Variants in CNTNAP2 observed in about 807,000 individuals in gnomAD.
The protein encoded by CNTNAP2 is contactin-associated protein-like 2.
A neutral mutation model predicts 155.2 loss-of-function variants in CNTNAP2; 98 were observed. The ratio of observed to expected loss-of-function variants is 0.63; its 90% CI spans 0.54 to 0.75. CNTNAP2 has a LOEUF of 0.75. Ranked by LOEUF, CNTNAP2 falls within the 30% of genes least tolerant of loss-of-function variation. The pLI, the probability that CNTNAP2 is intolerant of heterozygous loss-of-function variation, is 0.00. For synonymous variants in CNTNAP2, 651 were observed against 631.2 expected, an observed-to-expected ratio of 1.03 and a Z score of -0.47; for missense variants, 1,727 against 1,688.1, an observed-to-expected ratio of 1.02 and a Z score of -0.40.
chr7:147,176,214 A>G (rs1802335240), intron 8 of CNTNAP2, among the ~76,000 whole-genome samples: 1 of 152,242 alleles, frequency 6.6e-6, no homozygotes, highest in Non-Finnish European at 1.5e-5. Context: ...ACATAATTGA[A>G]TAGGAATTGA....
intron 13 of CNTNAP2, among the ~76,000 whole-genome samples, chr7:147,788,900 C>CTTTTT (rs11440955): frequency 1.5e-3 from 156 of 100,734 alleles, no homozygotes; most frequent in Non-Finnish European, 2.1e-3. Flanking sequence ...TTTTCTTTTT[C>CTTTTT]TTTTTTTTTT....
At chr7:147,057,036 G>A (rs1489955641) in intron 4 of CNTNAP2, among the ~76,000 whole-genome samples, 1 of 151,906 alleles carries the variant, frequency 6.6e-6, no homozygotes, top group Non-Finnish European at 1.5e-5. Flanking sequence ...CTGGGCTTAA[G>A]CAATCCTTCT....
chr7:147,415,865 T>A (rs947453574), intron 10 of CNTNAP2, among the ~76,000 whole-genome samples: 1 of 152,160 alleles, frequency 6.6e-6, no homozygotes, highest in Non-Finnish European at 1.5e-5. Context: ...CAGGCCAAGG[T>A]GCATGGTCAC....
chr7:147,531,822 T>TC lies in CNTNAP2; in HGVS notation c.1778-30314dup, dbSNP rs1554402412. On this transcript the variant is annotated intron_variant, in intron 11 of 23. Transcript: ENST00000361727. ...TTTTCTTTTCTTTTTTTTTTTTTTT[T>TC]CCGAGACAAAGTCTCACTCTGTCAC... Among the ~76,000 whole-genome samples, 82 of 143,482 alleles carry TC rather than the reference T, an allele frequency of 5.7e-4. 3 individuals are homozygous for TC. Among genetic ancestry groups the TC allele is most frequent in the Middle Eastern group, 3.7e-3 (1 of 270 alleles). 94.1% of individuals were successfully genotyped at this position (143,482 alleles called of 152,430 possible).
chr7:148,390,664 T>C (rs62505153), intron 22 of CNTNAP2, among the ~76,000 whole-genome samples: 2 of 152,202 alleles, frequency 1.3e-5, no homozygotes, highest in Non-Finnish European at 2.9e-5. Context: ...TGGTGATCTT[T>C]CTGCTCCCAT....
At chr7:147,786,286 G>A (rs1444960332) in intron 13 of CNTNAP2, among the ~76,000 whole-genome samples, 2 of 152,288 alleles carry the variant, frequency 1.3e-5, no homozygotes, top group Non-Finnish European at 2.9e-5. Context: ...TACAAAATTA[G>A]AAATCATATT....
chr7:148,308,619 G>A lies in CNTNAP2; in HGVS notation c.3475+41493G>A, dbSNP rs141447093. The stretch of plus-strand genomic sequence containing the variant: ...ACTTTAAGTTCTGGGGTACATGTAC[G>A]GAACGTGCAGTTTTGTTACATAGGT... On this transcript the variant is annotated intron_variant, in intron 21 of 23. Coordinates refer to ENST00000361727, the MANE Select transcript of CNTNAP2 (RefSeq NM_014141.6). 3.3e-3 allele frequency among the ~76,000 whole-genome samples: 498 copies of A among 151,010 alleles called. 6 individuals are homozygous for A. Among genetic ancestry groups the A allele is most frequent in the African/African-American group, 0.011 (444 of 41,096 alleles).
At position 146,139,230 on chromosome 7, in the gene CNTNAP2, G is replaced by A. The variant is rs76329849; in HGVS notation, c.97+22257G>A. Among the ~76,000 whole-genome samples, 1,388 of 152,164 alleles carry A rather than the reference G, an allele frequency of 9.1e-3. 7 individuals are homozygous for A. Among genetic ancestry groups the A allele is most frequent in the Middle Eastern group, 0.044 (13 of 294 alleles). ...AGAAAGAGATCAAAATTCAAAATTT[G>A]GAGTACAGTTTCTACCGAATGAGTA... is the stretch of plus-strand genomic sequence containing the variant. On this transcript the variant is annotated intron_variant, in intron 1 of 23. Transcript: ENST00000361727.
chr7:147,222,902 G>A (rs1803438264), intron 8 of CNTNAP2, among the ~76,000 whole-genome samples: 1 of 146,424 alleles, frequency 6.8e-6, no homozygotes, highest in African/African-American at 2.5e-5. Flanking sequence ...TTCCAGGAAA[G>A]TTGGGTTATG....
intron 14 of CNTNAP2, among the ~76,000 whole-genome samples, chr7:147,919,998 T>C (rs1486388072): frequency 6.6e-6 from 1 of 152,132 alleles, no homozygotes; most frequent in African/African-American, 2.4e-5. Context: ...CGTAAAGCTT[T>C]ATTTTTTCCT....
At chr7:147,903,489 G>A in intron 13 of CNTNAP2, 76 bp from the exon 14 acceptor site, 1 of 1,469,044 alleles carries the variant, frequency 6.8e-7, no homozygotes, top group Non-Finnish European at 9.5e-7. Flanking sequence ...TATTCCTGGG[G>A]AAGTGGGTGT....
At chr7:147,604,174 A>G (rs1385007736) in intron 12 of CNTNAP2, among the ~76,000 whole-genome samples, 2 of 151,888 alleles carry the variant, frequency 1.3e-5, no homozygotes, top group Admixed American at 6.6e-5. Context: ...CAAGGACTTC[A>G]TGTCTAAAAC....
intron 15 of CNTNAP2, among the ~76,000 whole-genome samples, chr7:148,031,905 G>T (rs1043035776): frequency 2.6e-5 from 4 of 152,076 alleles, no homozygotes; most frequent in African/African-American, 9.7e-5. Flanking sequence ...ATTCCCTAAG[G>T]CTATGTCACT....
chr7:146,425,078 A>G (rs1796069327), intron 1 of CNTNAP2, among the ~76,000 whole-genome samples: 1 of 152,228 alleles, frequency 6.6e-6, no homozygotes, highest in Non-Finnish European at 1.5e-5. Flanking sequence ...ATCCGTAAAC[A>G]CAACACTAGA....
chr7:147,884,494 G>GGA (rs1554445249), intron 13 of CNTNAP2, among the ~76,000 whole-genome samples: 2 of 145,866 alleles, frequency 1.4e-5, no homozygotes, highest in African/African-American at 5.0e-5. Context: ...TGCCTCGCCA[G>GGA]AAAAAAAAAA....
At chr7:146,897,795 T>C (rs1795908071) in intron 3 of CNTNAP2, among the ~76,000 whole-genome samples, 1 of 152,136 alleles carries the variant, frequency 6.6e-6, no homozygotes, top group Non-Finnish European at 1.5e-5. Flanking sequence ...GCCTCATTTT[T>C]TCAAGACTAT....
At chr7:146,960,933 T>C (rs1057133802) in intron 3 of CNTNAP2, among the ~76,000 whole-genome samples, 50 of 152,200 alleles carry the variant, frequency 3.3e-4, no homozygotes, top group Non-Finnish European at 1.8e-4. Context: ...GGACATGCTT[T>C]AGCTACTCCT....
At chr7:146,323,235 A>G (rs1801036691) in intron 1 of CNTNAP2, among the ~76,000 whole-genome samples, 1 of 152,132 alleles carries the variant, frequency 6.6e-6, no homozygotes, top group South Asian at 2.1e-4. Context: ...TTTCTTGAGA[A>G]TGTTATTTTT....
At chr7:147,534,067 A>G (rs1039078996) in intron 11 of CNTNAP2, among the ~76,000 whole-genome samples, 2 of 152,168 alleles carry the variant, frequency 1.3e-5, no homozygotes, top group South Asian at 2.1e-4. Flanking sequence ...CTCTATCAAC[A>G]TGGAGGCTCA....
Sources: allele counts gnomAD v4.1 joint callset (sites outside exome capture counted in the v4.1 genomes callset), GRCh38; gene constraint gnomAD v4.1.1; transcripts MANE v1.5; gene names NCBI Gene and HGNC (gene_info 2026-07-23, HGNC 2026-07-21).